The following ST6GAL2 variants were observed in gnomAD, a reference collection of about 807,000 sequenced individuals.
The protein encoded by ST6GAL2 is ST6 beta-galactoside alpha-2,6-sialyltransferase 2.
ST6GAL2 carries 24 observed loss-of-function variants against 37.5 expected under a neutral mutation model. The observed-to-expected ratio is 0.64, with a 90% CI of 0.46 to 0.90. ST6GAL2 has a LOEUF of 0.90. ST6GAL2 is among the 40% of genes least tolerant of loss of function. The pLI is 0.00. For missense variants in ST6GAL2, 715 were observed against 712.7 expected (o/e 1.00, Z -0.04); for synonymous variants, 306 against 295.1 (o/e 1.04, Z -0.38).
intron 1 of ST6GAL2, among the ~76,000 whole-genome samples, chr2:106,871,207 AT>A (rs767104215): frequency 2.2e-4 from 33 of 152,350 alleles, no homozygotes; most frequent in Admixed American, 1.6e-3. Context: ...TACAGTAAAA[AT>A]ATGGTATAAA....
intron 2 of ST6GAL2, among the ~76,000 whole-genome samples, chr2:106,840,772 T>C (rs1403512131): frequency 6.6e-6 from 1 of 152,200 alleles, no homozygotes; most frequent in African/African-American, 2.4e-5. Flanking sequence ...TCAGGGATAT[T>C]TATGCAGAAA....
chr2:106,872,542 C>T (rs11678837), intron 1 of ST6GAL2, among the ~76,000 whole-genome samples: 38,241 of 152,126 alleles, frequency 0.25, 5,092 homozygotes, highest in South Asian at 0.36. Context: ...CTGTGTCTAA[C>T]GTAAATGGAG....
chr2:106,870,270 A>C (rs946088905), intron 1 of ST6GAL2, among the ~76,000 whole-genome samples: 2 of 152,162 alleles, frequency 1.3e-5, no homozygotes, highest in Admixed American at 6.5e-5. Context: ...CTTTCTTCCC[A>C]AAAATGAATA....
intron 5 of ST6GAL2, among the ~76,000 whole-genome samples, chr2:106,818,959 C>T (rs1241119715): frequency 6.6e-6 from 1 of 151,962 alleles, no homozygotes; most frequent in Non-Finnish European, 1.5e-5. Flanking sequence ...CCAAGGAATG[C>T]ATCAGGGTCT....
chr2:106,869,649 A>G (rs1250698974), intron 1 of ST6GAL2, among the ~76,000 whole-genome samples: 1 of 152,182 alleles, frequency 6.6e-6, no homozygotes, highest in Non-Finnish European at 1.5e-5. Flanking sequence ...AACATGAAAG[A>G]ACCCTGGGGA....
chr2:106,853,007 G>A (rs1173588056), intron 1 of ST6GAL2, among the ~76,000 whole-genome samples: 2 of 152,124 alleles, frequency 1.3e-5, no homozygotes, highest in Non-Finnish European at 2.9e-5. Context: ...TTCCCTTCTG[G>A]TTTACTGTCC....
intron 2 of ST6GAL2, among the ~76,000 whole-genome samples, chr2:106,835,531 C>A (rs1412905611): frequency 6.6e-6 from 1 of 152,174 alleles, no homozygotes; most frequent in Non-Finnish European, 1.5e-5. Flanking sequence ...ATGCATAAAG[C>A]GTAGGTGGCT....
intron 1 of ST6GAL2, among the ~76,000 whole-genome samples, chr2:106,878,588 C>T (rs1488091304): frequency 3.9e-5 from 6 of 152,078 alleles, no homozygotes; most frequent in Non-Finnish European, 8.8e-5. Context: ...ACAGTAAGAC[C>T]CCTATCTCTC....
chr2:106,831,053 T>C (rs1447574200), intron 4 of ST6GAL2, among the ~76,000 whole-genome samples: 2 of 152,206 alleles, frequency 1.3e-5, no homozygotes, highest in Non-Finnish European at 2.9e-5. Context: ...GTTCAACTCA[T>C]CAAACTCCCT....
intron 5 of ST6GAL2, among the ~76,000 whole-genome samples, chr2:106,825,805 C>T (rs924228062): frequency 9.2e-5 from 14 of 152,200 alleles, no homozygotes; most frequent in Non-Finnish European, 7.3e-5. Flanking sequence ...TGTCTGGTTT[C>T]TTCACCACCA....
intron 5 of ST6GAL2, among the ~76,000 whole-genome samples, chr2:106,816,119 T>G (rs1675792863): frequency 6.6e-6 from 1 of 152,212 alleles, no homozygotes; most frequent in African/African-American, 2.4e-5. Context: ...TATAAACATT[T>G]AGTTATATTA....
At position 106,830,142 on chromosome 2, in the gene ST6GAL2, T is replaced by C. The variant is rs771709463; in HGVS notation, c.1242A>G (p.Ile414Met). The C allele has an allele frequency of 2.5e-6, 4 of 1,614,058 alleles. No homozygotes were observed. Among genetic ancestry groups the C allele is most frequent in the East Asian group, 2.2e-5 (1 of 44,864 alleles). The change falls in exon 5 of 6, where the codon ATA (isoleucine) becomes ATG (methionine). Residue 414 changes from isoleucine (I) to methionine (M), a missense_variant. Around this residue, in one of 3 missense-constraint regions of ST6GAL2, gnomAD observed 198 missense variants for 203.6 expected, o/e 0.97. Coordinates refer to ENST00000409382, the MANE Select transcript of ST6GAL2 (RefSeq NM_001142351.2). The stretch of plus-strand genomic sequence containing the variant: ...CCTGGATAATATCCCAGAGCTGCCA[T>C]ATAAATTTAGGATGAAGAATGTAAA... Reference protein sequence around the residue: ...QPFYILHPKFIWQLWDIIQEN... With the variant: ...QPFYILHPKFMWQLWDIIQEN...
In ST6GAL2 at chr2:106,843,768, C is replaced by A. The variant is rs1363743593; in HGVS notation, c.210G>T (p.Pro70=). ...AIMGAAHEPS[P]PGGLDARQAL... ...CCTGGCGTGCGTCCAGGCCCCCAGGCGGGGAGGGCTCATGTGCGGCGCCCA... is the reference window on the plus strand; with the variant it reads ...CCTGGCGTGCGTCCAGGCCCCCAGGAGGGGAGGGCTCATGTGCGGCGCCCA... Residue 70 remains proline (P), a synonymous_variant, in exon 2 of 6, where the codon CCG becomes CCT. Transcript: ENST00000409382. The A allele has an allele frequency of 4.3e-6, 7 of 1,609,576 alleles. No homozygotes were observed. The highest frequency in any genetic ancestry group is 5.9e-6 in the Non-Finnish European group (7 of 1,177,774).
chr2:106,840,041 C>T (rs1056483385), intron 2 of ST6GAL2, among the ~76,000 whole-genome samples: 3 of 152,112 alleles, frequency 2.0e-5, no homozygotes, highest in East Asian at 1.9e-4. Flanking sequence ...CCAGGGGGAG[C>T]GAAAGGGCAG....
At position 106,803,722 on chromosome 2, in the gene ST6GAL2, T is replaced by A. The variant is rs1292470043; in HGVS notation, c.*2956A>T. ...TCCTGAGAGTGAAAAAAGGAATCCTTAACAGCTTCAGCTTGCACCAAGAGG... is the reference window on the plus strand; with the variant it reads ...TCCTGAGAGTGAAAAAAGGAATCCTAAACAGCTTCAGCTTGCACCAAGAGG... On this transcript the variant is annotated 3_prime_UTR_variant, in exon 6 of 6. Transcript: ENST00000409382. 6.6e-6 allele frequency: 1 copy of A among 152,106 alleles called. No individual in the cohort carries two copies. Among genetic ancestry groups the A allele is most frequent in the Non-Finnish European group, 1.5e-5 (1 of 68,030 alleles). 9.4% of individuals were successfully genotyped at this position (152,106 alleles called of 1,614,324 possible).
chr2:106,844,088 G>T, intron 1 of ST6GAL2, 54 bp from the exon 2 acceptor site: 1 of 831,902 alleles, frequency 1.2e-6, no homozygotes, highest in Non-Finnish European at 1.9e-6. Flanking sequence ...CTCAGATGCT[G>T]CTGGGGACAT....
At chr2:106,815,120 C>G (rs1675753686) in intron 5 of ST6GAL2, among the ~76,000 whole-genome samples, 1 of 152,166 alleles carries the variant, frequency 6.6e-6, no homozygotes, top group Non-Finnish European at 1.5e-5. Context: ...ACATGTAACA[C>G]AATCCAATAT....
chr2:106,828,469 T>TGACAAAGAGTGTCAAAGGC (rs1179913433), intron 5 of ST6GAL2, among the ~76,000 whole-genome samples: 2 of 152,236 alleles, frequency 1.3e-5, no homozygotes, highest in Admixed American at 6.5e-5. Context: ...GGCATGAGTT[T>TGACAAAGAGTGTCAAAGGC]AAAAGGGAGA....
chr2:106,851,620 G>A (rs1454661201), intron 1 of ST6GAL2, among the ~76,000 whole-genome samples: 1 of 151,358 alleles, frequency 6.6e-6, no homozygotes, highest in African/African-American at 2.4e-5. Context: ...TAAGCCTTGT[G>A]GTTGACAAGC....
Sources: allele counts gnomAD v4.1 joint callset (sites outside exome capture counted in the v4.1 genomes callset), GRCh38; gene constraint gnomAD v4.1.1; regional missense constraint gnomAD v4.1.1; transcripts MANE v1.5; gene names NCBI Gene and HGNC (gene_info 2026-07-23, HGNC 2026-07-21).